SAXO1: variants seen among roughly 807,000 people sequenced by gnomAD.
SAXO1 encodes the protein stabilizer of axonemal microtubules 1.
In SAXO1, 21 loss-of-function variants were observed where a neutral mutation model predicts 17.5. The ratio of observed to expected loss-of-function variants is 1.20; its 90% confidence interval spans 0.85 to 1.72. The LOEUF (loss-of-function observed/expected upper bound fraction) is 1.72, where lower values mean the gene tolerates loss of function less well. Among genes scored for constraint, SAXO1 ranks in the 40% most tolerant of loss-of-function variants. The probability of loss-of-function intolerance (pLI) is 0.00; values close to 1 mark genes in which losing one functional copy is unlikely to be tolerated. For synonymous variants in SAXO1, 274 were observed against 216.5 expected (o/e 1.27, Z -2.33); for missense variants, 843 against 596.0 (o/e 1.41, Z -4.32).
intron 1 of SAXO1, among the ~76,000 whole-genome samples, chr9:19,040,109 A>C (rs1315142263): frequency 1.3e-5 from 2 of 152,232 alleles, no homozygotes; most frequent in African/African-American, 2.4e-5. Context: ...ATTTAAAAAA[A>C]CTGTAGGTGC....
intron 1 of SAXO1, among the ~76,000 whole-genome samples, chr9:18,971,222 A>T (rs190998015): frequency 6.6e-6 from 1 of 152,260 alleles, no homozygotes; most frequent in Admixed American, 6.5e-5. Context: ...CCAATGCCAA[A>T]TTCAATTGAG....
At chr9:19,010,561 T>C (rs1834687951) in intron 1 of SAXO1, among the ~76,000 whole-genome samples, 1 of 152,096 alleles carries the variant, frequency 6.6e-6, no homozygotes. Flanking sequence ...CCCGAAACAG[T>C]GAAGTTGTCC....
intron 3 of SAXO1, among the ~76,000 whole-genome samples, chr9:18,931,672 G>A (rs961458438): frequency 4.6e-5 from 7 of 152,098 alleles, no homozygotes; most frequent in African/African-American, 9.7e-5. Flanking sequence ...CCACATCCTT[G>A]TCAATATTTG....
intron 1 of SAXO1, among the ~76,000 whole-genome samples, chr9:18,973,770 T>C (rs7871732): frequency 0.81 from 122,578 of 152,214 alleles, 49,536 homozygotes; most frequent in Middle Eastern, 0.83. Flanking sequence ...ACAGAAGGTG[T>C]TTAGTCTTAC....
Position 19,033,022 on chromosome 9 carries a change from TTC to T in SAXO1, c.-116_-115del. On this transcript the variant is annotated 5_prime_UTR_variant, in exon 1 of 4. Transcript: ENST00000380534. ...CCAGGCTCGAGGGTCTTGGCAGGTG[TTC>T]TGTTTACTCGAAGGAAAATTTAAGT... The T allele has an allele frequency of 4.5e-6, 5 of 1,118,604 alleles. No homozygotes were observed. The highest frequency in any genetic ancestry group is 1.2e-6 in the Non-Finnish European group (1 of 818,576). The allele number at this position is 1,118,604 out of a possible 1,614,324, so 69.3% of individuals were successfully genotyped here.
intron 1 of SAXO1, among the ~76,000 whole-genome samples, chr9:18,986,559 G>C (rs761602797): frequency 4.6e-5 from 7 of 152,018 alleles, no homozygotes; most frequent in African/African-American, 7.3e-5. Flanking sequence ...ATGAAAAGAA[G>C]TGACATTTTT....
intron 1 of SAXO1, among the ~76,000 whole-genome samples, chr9:19,000,560 C>T (rs901806838): frequency 2.6e-5 from 4 of 152,138 alleles, no homozygotes; most frequent in African/African-American, 9.7e-5. Context: ...AGCACCTCTG[C>T]CCATACGCCC....
chr9:19,019,254 C>T (rs923316597), intron 1 of SAXO1, among the ~76,000 whole-genome samples: 1 of 152,132 alleles, frequency 6.6e-6, no homozygotes, highest in Non-Finnish European at 1.5e-5. Context: ...AATAAATGCT[C>T]TTCTTTGCTG....
chr9:18,996,585 C>T (rs1029830592), intron 1 of SAXO1, among the ~76,000 whole-genome samples: 1 of 152,158 alleles, frequency 6.6e-6, no homozygotes, highest in Non-Finnish European at 1.5e-5. Context: ...TTATGCAGCA[C>T]ATGACTGTAC....
At chr9:19,001,616 G>A (rs1307306408) in intron 1 of SAXO1, among the ~76,000 whole-genome samples, 4 of 150,108 alleles carry the variant, frequency 2.7e-5, no homozygotes, top group Admixed American at 6.7e-5. Context: ...GCACTGAGCC[G>A]AGATCGCGCA....
At chr9:18,938,830 G>GTGTGTGTGTGTGTGTGTA (rs1554667867) in intron 3 of SAXO1, among the ~76,000 whole-genome samples, 3 of 147,766 alleles carry the variant, frequency 2.0e-5, no homozygotes, top group Admixed American at 6.7e-5. Flanking sequence ...GCGTGTGTGT[G>GTGTGTGTGTGTGTGTGTA]TGTGTGTGTG....
At position 18,978,147 on chromosome 9, in the gene SAXO1, C is replaced by T. The variant is rs147904573; in HGVS notation, c.39-27210G>A. On this transcript the variant is annotated intron_variant, in intron 1 of 3. Coordinates refer to ENST00000380534, the MANE Select transcript of SAXO1 (RefSeq NM_153707.4). ...CCTGGTCATGGTATGTACTCAACTA[C>T]CAGCTCTCCAATTGACCAAATTCTC... is the stretch of plus-strand genomic sequence containing the variant. 4.5e-3 allele frequency among the ~76,000 whole-genome samples: 689 copies of T among 152,250 alleles called. 5 individuals carry two copies. Among genetic ancestry groups the T allele is most frequent in the African/African-American group, 0.016 (657 of 41,548 alleles).
At chr9:19,019,979 C>G (rs1835155450) in intron 1 of SAXO1, among the ~76,000 whole-genome samples, 1 of 150,558 alleles carries the variant, frequency 6.6e-6, no homozygotes, top group Non-Finnish European at 1.5e-5. Flanking sequence ...TTTCAGAATG[C>G]ATTCCATATA....
intron 1 of SAXO1, among the ~76,000 whole-genome samples, chr9:18,972,954 G>A (rs1003322222): frequency 2.4e-4 from 37 of 152,006 alleles, no homozygotes; most frequent in African/African-American, 8.5e-4. Flanking sequence ...CCCACCCTCT[G>A]CCACCAGACA....
intron 1 of SAXO1, among the ~76,000 whole-genome samples, chr9:19,016,625 C>A (rs998430070): frequency 2.0e-5 from 3 of 151,968 alleles, no homozygotes; most frequent in African/African-American, 7.3e-5. Context: ...AAGGATACTG[C>A]TAAACACCCT....
chr9:19,017,044 C>T (rs1835005517), intron 1 of SAXO1, among the ~76,000 whole-genome samples: 1 of 152,064 alleles, frequency 6.6e-6, no homozygotes, highest in African/African-American at 2.4e-5. Context: ...CATGGTGGCT[C>T]ATGCCTGTAC....
At chr9:18,985,129 A>T (rs1472283751) in intron 1 of SAXO1, among the ~76,000 whole-genome samples, 1 of 152,000 alleles carries the variant, frequency 6.6e-6, no homozygotes, top group African/African-American at 2.4e-5. Flanking sequence ...AAGGAGAAGG[A>T]GAGAGATGCG....
intron 1 of SAXO1, among the ~76,000 whole-genome samples, chr9:19,030,861 TTAA>T (rs1181645702): frequency 6.6e-6 from 1 of 151,968 alleles, no homozygotes; most frequent in African/African-American, 2.4e-5. Context: ...GAAGTTGAGA[TTAA>T]TGAGACAGAT....
intron 3 of SAXO1, among the ~76,000 whole-genome samples, chr9:18,935,038 C>T (rs1831227404): frequency 6.6e-6 from 1 of 152,202 alleles, no homozygotes; most frequent in African/African-American, 2.4e-5. Context: ...AGCGATTCTC[C>T]TGCCTCAGCC....
Sources: allele counts gnomAD v4.1 joint callset (sites outside exome capture counted in the v4.1 genomes callset), GRCh38; gene constraint gnomAD v4.1.1; transcripts MANE v1.5; gene names NCBI Gene and HGNC (gene_info 2026-07-23, HGNC 2026-07-21).